Variants in MAMLD1 observed in about 807,000 individuals in gnomAD.
MAMLD1 encodes mastermind like domain containing 1.
Under a neutral mutation model 45.0 loss-of-function variants are expected in MAMLD1, and 14 were observed. That is an observed-to-expected ratio of 0.31 (90% CI 0.21 to 0.49). The LOEUF (loss-of-function observed/expected upper bound fraction) is 0.49, where lower values mean the gene tolerates loss of function less well. MAMLD1 is among the 20% of genes least tolerant of loss of function. MAMLD1 has a pLI of 0.99. For missense variants in MAMLD1, 543 were observed against 603.6 expected (o/e 0.90, Z 1.05); for synonymous variants, 254 against 247.8 (o/e 1.02, Z -0.24).
Position 150,471,081 on chromosome X carries a change from C to A in MAMLD1, c.1508C>A (p.Ala503Glu), listed in dbSNP as rs367735248. 3.0e-5 allele frequency: 36 copies of A among 1,208,170 alleles called. No individual in the cohort carries two copies. Among genetic ancestry groups the A allele is most frequent in the South Asian group, 2.5e-4 (14 of 56,727 alleles). The change falls in exon 4 of 8, where the codon GCA (alanine) becomes GAA (glutamate). Residue 503 changes from alanine (A) to glutamate (E), a missense_variant. Transcript: ENST00000370401. ...QQQQQQQQQQ[A>E]NVIFKPISSN... ...CAGCAGCAGCAGCAGCAGCAGCAAGCAAATGTGATCTTTAAGCCCATAAGC... is the reference window on the plus strand; with the variant it reads ...CAGCAGCAGCAGCAGCAGCAGCAAGAAAATGTGATCTTTAAGCCCATAAGC...
At chrX:150,382,561 T>C (rs1264710635) in intron 1 of MAMLD1, among the ~76,000 whole-genome samples, 1 of 111,849 alleles carries the variant, frequency 8.9e-6, no homozygotes, top group East Asian at 2.8e-4. Context: ...TACAGGTCAA[T>C]TCAAGAATTG....
In MAMLD1 at chrX:150,387,251, TA is replaced by T. The variant is rs782254241; in HGVS notation, c.-64+23723del. On this transcript the variant is annotated intron_variant, in intron 1 of 7. Coordinates refer to ENST00000370401, the MANE Select transcript of MAMLD1 (RefSeq NM_005491.5). Reference sequence around the variant, plus strand: ...AAAACTGAATAATCATGCCTTGTTTTAAGTCCATACTCCTTCCACTGTTTAT... The same window carrying T: ...AAAACTGAATAATCATGCCTTGTTTTAGTCCATACTCCTTCCACTGTTTAT... 5.0e-3 allele frequency among the ~76,000 whole-genome samples: 562 copies of T among 111,785 alleles called. 2 individuals carry two copies. The highest frequency in any genetic ancestry group is 0.018 in the African/African-American group (543 of 30,807).
Position 150,512,282 on chromosome X carries a change from A to C in MAMLD1, c.*323A>C. 3 of 1,119,416 alleles carry C rather than the reference A, an allele frequency of 2.7e-6. No homozygotes were observed. Among genetic ancestry groups the C allele is most frequent in the Non-Finnish European group, 3.5e-6 (3 of 852,151 alleles). The allele number at this position is 1,119,416 out of a possible 1,213,427, so 92.3% of individuals were successfully genotyped here. ...TGACTCTGTCTGCCAGCATATGCAG[A>C]GTCCCAAGGCCACCCCACCAGAAGT... On this transcript the variant is annotated 3_prime_UTR_variant, in exon 8 of 8. Coordinates refer to ENST00000370401, the MANE Select transcript of MAMLD1 (RefSeq NM_005491.5).
intron 6 of MAMLD1, among the ~76,000 whole-genome samples, chrX:150,508,303 G>A (rs956181024): frequency 4.5e-5 from 5 of 112,107 alleles, no homozygotes; most frequent in Non-Finnish European, 7.5e-5. Context: ...TAAAATAATG[G>A]GTGAGACGTG....
intron 5 of MAMLD1, among the ~76,000 whole-genome samples, chrX:150,493,759 C>A (rs1557408079): frequency 8.9e-6 from 1 of 111,769 alleles, no homozygotes; most frequent in African/African-American, 3.3e-5. Context: ...TTGTGTTGAT[C>A]CTTATTAGTT....
intron 1 of MAMLD1, among the ~76,000 whole-genome samples, chrX:150,398,462 T>C (rs1275845181): frequency 9.0e-6 from 1 of 110,977 alleles, no homozygotes; most frequent in Admixed American, 9.5e-5. Flanking sequence ...CGAACATTAG[T>C]TGTGGATATT....
chrX:150,401,965 A>C (rs1162853191), intron 1 of MAMLD1, among the ~76,000 whole-genome samples: 1 of 111,566 alleles, frequency 9.0e-6, no homozygotes, highest in East Asian at 2.8e-4. Context: ...AACCATAAAA[A>C]CCCTAGAAGA....
At chrX:150,473,859 T>G (rs201370107) in intron 5 of MAMLD1, 57 bp downstream of exon 5, 1,539 of 1,147,293 alleles carry the variant, frequency 1.3e-3, no homozygotes, top group Non-Finnish European at 1.7e-3. Flanking sequence ...AGACTGATTG[T>G]GTTGTCCCAG....
intron 2 of MAMLD1, among the ~76,000 whole-genome samples, chrX:150,447,402 A>T (rs1490044729): frequency 9.0e-6 from 1 of 111,691 alleles, no homozygotes; most frequent in Non-Finnish European, 1.9e-5. Flanking sequence ...GAATTTTAAA[A>T]ATTTGCCTCA....
intron 6 of MAMLD1, 56 bp from the exon 7 acceptor site, chrX:150,509,906 G>A: frequency 1.1e-6 from 1 of 895,913 alleles, no homozygotes. Context: ...GCGATCCTAA[G>A]GCTAATTATT....
chrX:150,429,056 G>T, intron 1 of MAMLD1, among the ~76,000 whole-genome samples: 1 of 111,725 alleles, frequency 9.0e-6, no homozygotes, highest in Non-Finnish European at 1.9e-5. Flanking sequence ...CCTATAATGA[G>T]ATCTGAGCTT....
intron 1 of MAMLD1, among the ~76,000 whole-genome samples, chrX:150,387,292 T>A (rs1437879272): frequency 8.9e-6 from 1 of 111,915 alleles, no homozygotes; most frequent in African/African-American, 3.2e-5. Flanking sequence ...TCTGATTTAA[T>A]GGTCAAAAAA....
At chrX:150,372,469 G>A (rs148307604) in intron 1 of MAMLD1, among the ~76,000 whole-genome samples, 6,632 of 111,703 alleles carry the variant, frequency 0.059, 176 homozygotes, top group Non-Finnish European at 0.08. Flanking sequence ...AGTTGCCAAC[G>A]TCACATGGTT....
Position 150,417,084 on chromosome X carries a change from T to C in MAMLD1, c.-63-28370T>C, listed in dbSNP as rs782451354. 2.1e-4 allele frequency among the ~76,000 whole-genome samples: 23 copies of C among 110,715 alleles called. No homozygotes were observed. The East Asian group carries it at 6.3e-3, about 30-fold the overall frequency. On this transcript the variant is annotated intron_variant, in intron 1 of 7. Coordinates refer to ENST00000370401, the MANE Select transcript of MAMLD1 (RefSeq NM_005491.5). ...TGCAGGTTAGTTACATATGTATACA[T>C]GTGCCATGCTGGTGTGCTGCACCCA...
chrX:150,513,320 T>C lies in MAMLD1; in HGVS notation c.*1361T>C. On this transcript the variant is annotated 3_prime_UTR_variant, in exon 8 of 8. Coordinates refer to ENST00000370401, the MANE Select transcript of MAMLD1 (RefSeq NM_005491.5). ...GTATTTATACTTCATTTTGTGACTT[T>C]GTAAATAAAGCGACGGCTTTTGTTT... is the stretch of plus-strand genomic sequence containing the variant. The C allele has an allele frequency of 2.7e-6, 1 of 374,566 alleles. No individual in the cohort carries two copies. The highest frequency in any genetic ancestry group is 4.6e-6 in the Non-Finnish European group (1 of 218,751). 30.9% of individuals were successfully genotyped at this position (374,566 alleles called of 1,213,427 possible).
intron 5 of MAMLD1, among the ~76,000 whole-genome samples, chrX:150,476,842 A>G (rs2036594435): frequency 2.7e-5 from 3 of 113,196 alleles, no homozygotes; most frequent in Non-Finnish European, 5.6e-5. Flanking sequence ...GCACCAGGCA[A>G]TTGCAGAGGC....
chrX:150,503,683 G>A (rs1352891480), intron 6 of MAMLD1, among the ~76,000 whole-genome samples, 166 bp downstream of exon 6: 1 of 112,340 alleles, frequency 8.9e-6, no homozygotes, highest in South Asian at 3.7e-4. Flanking sequence ...TGCTTCCTGG[G>A]CCTGCTTGTT....
intron 5 of MAMLD1, 88 bp from the exon 6 acceptor site, chrX:150,503,186 C>A: frequency 1.2e-6 from 1 of 850,170 alleles, no homozygotes; most frequent in Non-Finnish European, 1.8e-6. Flanking sequence ...ACCCAGATGA[C>A]CCAGCTAGAC....
At chrX:150,429,814 T>C (rs1030100909) in intron 1 of MAMLD1, among the ~76,000 whole-genome samples, 5 of 109,657 alleles carry the variant, frequency 4.6e-5, no homozygotes, top group African/African-American at 1.7e-4. Context: ...TCACCAGCAT[T>C]TGATGTTGTC....
Sources: gnomAD v4.1 joint callset for allele counts (sites outside exome capture counted in the v4.1 genomes callset) on GRCh38, gnomAD v4.1.1 for gene constraint, MANE v1.5 for transcripts, NCBI Gene and HGNC (gene_info 2026-07-23, HGNC 2026-07-21) for gene names.